Variants in KIAA0825 observed in about 807,000 individuals in gnomAD.
KIAA0825 encodes uncharacterized protein KIAA0825.
A neutral mutation model predicts 147.6 loss-of-function variants in KIAA0825; 119 were observed. The ratio of observed to expected loss-of-function variants is 0.81; its 90% CI spans 0.69 to 0.94. The LOEUF (loss-of-function observed/expected upper bound fraction) is 0.94. KIAA0825 is among the 40% of genes least tolerant of loss of function. The probability of loss-of-function intolerance (pLI) is 0.00; values close to 1 mark genes in which losing one functional copy is unlikely to be tolerated. For missense variants in KIAA0825, 1,381 were observed against 1,472.7 expected (o/e 0.94, Z 1.02); for synonymous variants, 470 against 518.1 (o/e 0.91, Z 1.26).
intron 3 of KIAA0825, among the ~76,000 whole-genome samples, chr5:94,528,897 G>A (rs1191635102): frequency 2.6e-5 from 4 of 151,016 alleles, no homozygotes; most frequent in East Asian, 3.9e-4. Context: ...ATTAGGAAGA[G>A]AAAAGTGGAG....
At chr5:94,370,200 T>C (rs1355404606) in intron 20 of KIAA0825, among the ~76,000 whole-genome samples, 1 of 152,098 alleles carries the variant, frequency 6.6e-6, no homozygotes, top group Admixed American at 6.5e-5. Flanking sequence ...GAGGAATCCA[T>C]TGCTATAGCA....
At chr5:94,337,456 C>T (rs564359645) in intron 20 of KIAA0825, among the ~76,000 whole-genome samples, 37 of 152,284 alleles carry the variant, frequency 2.4e-4, no homozygotes, top group Admixed American at 1.4e-3. Context: ...CATATACTAT[C>T]GTTTCTCTAT....
intron 5 of KIAA0825, among the ~76,000 whole-genome samples, chr5:94,509,844 C>T (rs548332759): frequency 6.6e-6 from 1 of 152,282 alleles, no homozygotes; most frequent in Admixed American, 6.5e-5. Flanking sequence ...TAACTGGGAA[C>T]TTCAGGGCTT....
chr5:94,443,984 A>G (rs921604018), intron 13 of KIAA0825, among the ~76,000 whole-genome samples: 6 of 152,212 alleles, frequency 3.9e-5, no homozygotes, highest in Admixed American at 3.3e-4. Context: ...AATGACACTC[A>G]GTGGTGCTGG....
At chr5:94,564,135 G>A (rs1433014167) in intron 2 of KIAA0825, among the ~76,000 whole-genome samples, 1 of 151,478 alleles carries the variant, frequency 6.6e-6, no homozygotes, top group Non-Finnish European at 1.5e-5. Context: ...GGCTCTCAGA[G>A]CACTGTTTTT....
intron 13 of KIAA0825, among the ~76,000 whole-genome samples, chr5:94,449,916 T>G (rs980903908): frequency 2.6e-5 from 4 of 151,862 alleles, no homozygotes; most frequent in African/African-American, 9.7e-5. Flanking sequence ...CTGTCTCTAC[T>G]AAAAATACAA....
At chr5:94,433,179 C>A (rs531701672) in intron 14 of KIAA0825, among the ~76,000 whole-genome samples, 2 of 152,270 alleles carry the variant, frequency 1.3e-5, no homozygotes, top group African/African-American at 4.8e-5. Context: ...AGGCGCCTGC[C>A]ACCACACCTG....
intron 14 of KIAA0825, among the ~76,000 whole-genome samples, chr5:94,431,274 T>C (rs1234848264): frequency 5.3e-5 from 8 of 152,318 alleles, no homozygotes; most frequent in Admixed American, 3.3e-4. Flanking sequence ...TAGTACCCCA[T>C]TTAGAAATGA....
intron 5 of KIAA0825, chr5:94,520,003 T>G: frequency 1.8e-6 from 2 of 1,121,556 alleles, no homozygotes; most frequent in Non-Finnish European, 2.2e-6. Context: ...GAAATTAAAC[T>G]CTTATTTAAA....
At chr5:94,156,923 T>A (rs1224564167) in intron 20 of KIAA0825, among the ~76,000 whole-genome samples, 1 of 152,166 alleles carries the variant, frequency 6.6e-6, no homozygotes, top group Non-Finnish European at 1.5e-5. Flanking sequence ...AACGAAGTTT[T>A]TCTTTAATTC....
At chr5:94,508,217 C>T (rs776978227) in intron 5 of KIAA0825, among the ~76,000 whole-genome samples, 6 of 151,822 alleles carry the variant, frequency 4.0e-5, no homozygotes, top group Middle Eastern at 3.4e-3. Context: ...CAAAAGGCAA[C>T]TTAATATTTC....
At chr5:94,289,341 C>T (rs1173475659) in intron 20 of KIAA0825, among the ~76,000 whole-genome samples, 1 of 151,790 alleles carries the variant, frequency 6.6e-6, no homozygotes, top group Non-Finnish European at 1.5e-5. Flanking sequence ...TTTGAGACCA[C>T]CCTGGCCAAC....
intron 20 of KIAA0825, among the ~76,000 whole-genome samples, chr5:94,360,173 C>T (rs531883831): frequency 6.6e-6 from 1 of 152,030 alleles, no homozygotes; most frequent in Admixed American, 6.5e-5. Context: ...AGGCATAGCC[C>T]CACACAGGGA....
intron 6 of KIAA0825, among the ~76,000 whole-genome samples, chr5:94,477,767 C>T (rs896208258): frequency 5.9e-5 from 9 of 151,778 alleles, no homozygotes; most frequent in East Asian, 1.9e-4. Flanking sequence ...TCCCTAGTTC[C>T]GAAAATGGAA....
chr5:94,188,005 A>G (rs928565247), intron 20 of KIAA0825, among the ~76,000 whole-genome samples: 2 of 152,190 alleles, frequency 1.3e-5, no homozygotes, highest in Non-Finnish European at 2.9e-5. Flanking sequence ...TATTGCTCTC[A>G]TGAATTTGAT....
At position 94,580,603 on chromosome 5, in the gene KIAA0825, G is replaced by C. The variant is rs1308021759; in HGVS notation, c.-2+1830C>G. On this transcript the variant is annotated intron_variant, in intron 2 of 20. Coordinates refer to ENST00000682413, the MANE Select transcript of KIAA0825 (RefSeq NM_001145678.3). The stretch of plus-strand genomic sequence containing the variant: ...TAAAAAATGCATAACACGGCCGGGC[G>C]CGGTGGCTCACGCCTGTAATCCCAG... Among the ~76,000 whole-genome samples the C allele has an allele frequency of 5.7e-5, 2 of 35,212 alleles. 1 individual carries two copies. Among genetic ancestry groups the C allele is most frequent in the African/African-American group, 5.1e-4 (2 of 3,890 alleles). The allele number at this position is 35,212 out of a possible 152,430, so 23.1% of individuals were successfully genotyped here.
At chr5:94,439,845 G>T in intron 14 of KIAA0825, 137 bp downstream of exon 14, 1 of 853,990 alleles carries the variant, frequency 1.2e-6, no homozygotes, top group Non-Finnish European at 1.7e-6. Context: ...GCTTTTGACT[G>T]CTGCTAACCC....
At chr5:94,239,823 A>G (rs1775257806) in intron 20 of KIAA0825, among the ~76,000 whole-genome samples, 1 of 152,210 alleles carries the variant, frequency 6.6e-6, no homozygotes, top group Admixed American at 6.5e-5. Flanking sequence ...TGCCAAAAAT[A>G]AAGGTCATTA....
chr5:94,197,266 T>C (rs909626843), intron 20 of KIAA0825, among the ~76,000 whole-genome samples: 5 of 152,234 alleles, frequency 3.3e-5, no homozygotes, highest in Non-Finnish European at 5.9e-5. Flanking sequence ...GTGTATGTCT[T>C]CTTTTGAGAA....
Sources: gnomAD v4.1 joint callset for allele counts (sites outside exome capture counted in the v4.1 genomes callset) on GRCh38, gnomAD v4.1.1 for gene constraint, MANE v1.5 for transcripts, NCBI Gene and HGNC (gene_info 2026-07-23, HGNC 2026-07-21) for gene names.